CXorf66: variants seen among roughly 807,000 people sequenced by gnomAD.
The protein encoded by CXorf66 is uncharacterized protein CXorf66.
A neutral mutation model predicts 5.0 loss-of-function variants in CXorf66; 6 were observed. The ratio of observed to expected loss-of-function variants is 1.20; its 90% CI spans 0.65 to 2.36. The LOEUF is 2.36. CXorf66 is among the 30% of genes most tolerant of loss of function. CXorf66 has a pLI of 0.00. For synonymous variants in CXorf66, 98 were observed against 102.8 expected (o/e 0.95, Z 0.28); for missense variants, 270 against 254.9 (o/e 1.06, Z -0.40).
At chrX:139,958,336 G>C (rs2085581535) in intron 1 of CXorf66, 119 bp from the exon 2 acceptor site, 1 of 528,807 alleles carries the variant, frequency 1.9e-6, no homozygotes, top group Non-Finnish European at 3.0e-6. Flanking sequence ...TTTTAAACCT[G>C]ATTAATTGTA....
intron 1 of CXorf66, among the ~76,000 whole-genome samples, chrX:139,960,820 A>C (rs1241301317): frequency 8.9e-6 from 1 of 111,774 alleles, no homozygotes; most frequent in African/African-American, 3.3e-5. Flanking sequence ...TTTTATATCC[A>C]GTCAAACTAA....
At chrX:139,961,219 T>C (rs2085592252) in intron 1 of CXorf66, among the ~76,000 whole-genome samples, 1 of 110,799 alleles carries the variant, frequency 9.0e-6, no homozygotes, top group South Asian at 3.8e-4. Flanking sequence ...AGGCTCAAAA[T>C]AAAGGAATGG....
Position 139,956,481 on chromosome X carries a change from T to A in CXorf66, c.501A>T (p.Ser167=), listed in dbSNP as rs774971711. ...RPSYPKRSSK[S]SCSKKLSKSS... is the part of the protein sequence containing the mutation. ...ACTTGCTTAATTTTTTTGAGCATGA[T>A]GACTTGGATGACCTTTTTGGATATG... is the stretch of plus-strand genomic sequence containing the variant. Residue 167 remains serine (S), a synonymous_variant, in exon 3 of 3, where the codon TCA becomes TCT. Coordinates refer to ENST00000370540, the MANE Select transcript of CXorf66 (RefSeq NM_001013403.3). 12 of 1,210,414 alleles carry A rather than the reference T, an allele frequency of 9.9e-6. No homozygotes were observed. In the South Asian group the frequency reaches 2.1e-4, roughly 21 times the overall value.
In CXorf66 at chrX:139,956,250, A is replaced by G; in HGVS notation, c.732T>C (p.Asn244=). ...QELAKPPKHF[N]PKRSVSLGRA... Reference sequence around the variant, plus strand: ...TGCCTAGACTCACTGACCTTTTTGGATTAAAATGTTTGGGAGGCTTAGCCA... The same window carrying G: ...TGCCTAGACTCACTGACCTTTTTGGGTTAAAATGTTTGGGAGGCTTAGCCA... Residue 244 remains asparagine (N), a synonymous_variant, in exon 3 of 3, where the codon AAT becomes AAC. Transcript: ENST00000370540. 1 of 1,211,863 alleles carries G rather than the reference A, an allele frequency of 8.3e-7. No individual in the cohort carries two copies. The highest frequency in any genetic ancestry group is 1.1e-6 in the Non-Finnish European group (1 of 895,555).
chrX:139,957,354 A>AAC (rs772606751), intron 2 of CXorf66, among the ~76,000 whole-genome samples: 3,947 of 108,051 alleles, frequency 0.037, 174 homozygotes, highest in African/African-American at 0.12. Flanking sequence ...AAAAGAGAGA[A>AAC]ACACACACAC....
At chrX:139,958,897 G>A (rs902708797) in intron 1 of CXorf66, among the ~76,000 whole-genome samples, 2 of 112,357 alleles carry the variant, frequency 1.8e-5, no homozygotes, top group African/African-American at 6.5e-5. Context: ...CAGATACTAC[G>A]CTTTTCCCAT....
At position 139,956,452 on chromosome X, in the gene CXorf66, G is replaced by C; in HGVS notation, c.530C>G (p.Ser177Cys). 6.6e-6 allele frequency: 8 copies of C among 1,211,708 alleles called. No homozygotes were observed. Among genetic ancestry groups the C allele is most frequent in the Non-Finnish European group, 8.9e-6 (8 of 895,379 alleles). The change falls in exon 3 of 3, where the codon TCT (serine) becomes TGT (cysteine). Residue 177 changes from serine to cysteine, a missense_variant. Transcript: ENST00000370540. ...TTTCTTATGTGCCTTTTCCAGGTGA[G>C]ATGACTTGCTTAATTTTTTTGAGCA... ...SSCSKKLSKS[S>C]HLEKAHKKGS...
intron 1 of CXorf66, among the ~76,000 whole-genome samples, chrX:139,964,228 C>T (rs1414657974): frequency 8.9e-6 from 1 of 111,770 alleles, no homozygotes; most frequent in Non-Finnish European, 1.9e-5. Context: ...AAAAAACAAA[C>T]ACCCCCATCA....
chrX:139,957,717 T>C (rs772763619), intron 2 of CXorf66, among the ~76,000 whole-genome samples: 77 of 111,650 alleles, frequency 6.9e-4, no homozygotes, highest in African/African-American at 2.4e-3. Context: ...ATCCAAAATG[T>C]TTTATTGTCT....
Position 139,955,767 on chromosome X carries a change from G to A in CXorf66, c.*129C>T, listed in dbSNP as rs764629163. 14 of 478,921 alleles carry A rather than the reference G, an allele frequency of 2.9e-5. No individual in the cohort carries two copies. Among genetic ancestry groups the A allele is most frequent in the Admixed American group, 2.4e-4 (5 of 20,761 alleles). The allele number at this position is 478,921 out of a possible 1,213,427, so 39.5% of individuals were successfully genotyped here. ...TTTATTGATATTTTTAAAATAAATC[G>A]CCTCCAAGACAGATATGGGTGATCT... is the stretch of plus-strand genomic sequence containing the variant. On this transcript the variant is annotated 3_prime_UTR_variant, in exon 3 of 3. Transcript: ENST00000370540.
At position 139,956,232 on chromosome X, in the gene CXorf66, A is replaced by G. The variant is rs1229171839; in HGVS notation, c.750T>C (p.Ser250=). The G allele has an allele frequency of 8.3e-7, 1 of 1,211,594 alleles. No homozygotes were observed. Among genetic ancestry groups the G allele is most frequent in the South Asian group, 1.8e-5 (1 of 57,005 alleles). The change falls in exon 3 of 3, where the codon AGT becomes AGC. Residue 250 remains serine, a synonymous_variant. Transcript: ENST00000370540. The part of the protein sequence containing the change: ...PKHFNPKRSV[S]LGRAALLSNS... ...TGGATAATAAGGCTGCCCTGCCTAG[A>G]CTCACTGACCTTTTTGGATTAAAAT...
rs1298207841 is a variant in CXorf66, at chrX:139,956,829, G to A, written c.243-90C>T. 3.3e-6 allele frequency: 3 copies of A among 897,744 alleles called. No individual in the cohort carries two copies. In the African/African-American group the frequency reaches 6.0e-5, roughly 18 times the overall value. 74.0% of individuals were successfully genotyped at this position (897,744 alleles called of 1,213,427 possible). A position where few individuals can be genotyped will look rare whatever the true frequency, so the allele number is the denominator to read the frequency against. Reference sequence around the variant, plus strand: ...AGAACGTATGGTACTGCTTAGACCTGTGGTCTTTTGGGGCTTTAATATGAA... The same window carrying A: ...AGAACGTATGGTACTGCTTAGACCTATGGTCTTTTGGGGCTTTAATATGAA... On this transcript the variant is annotated intron_variant, in intron 2 of 2. Coordinates refer to ENST00000370540, the MANE Select transcript of CXorf66 (RefSeq NM_001013403.3).
intron 1 of CXorf66, among the ~76,000 whole-genome samples, chrX:139,959,885 C>T (rs1569496337): frequency 9.0e-6 from 1 of 111,719 alleles, no homozygotes; most frequent in Non-Finnish European, 1.9e-5. Context: ...TCAACATCAA[C>T]AAAAAGGACC....
intron 1 of CXorf66, among the ~76,000 whole-genome samples, chrX:139,961,530 A>T: frequency 8.9e-6 from 1 of 111,995 alleles, no homozygotes; most frequent in African/African-American, 3.2e-5. Context: ...AATGAGACAG[A>T]AAATTAACAA....
chrX:139,962,439 C>G (rs189544271), intron 1 of CXorf66, among the ~76,000 whole-genome samples: 5 of 111,195 alleles, frequency 4.5e-5, no homozygotes, highest in African/African-American at 1.6e-4. Context: ...TAATAGCCTA[C>G]CAACCAAAAA....
rs967397817 is a variant in CXorf66 at position 139,958,007 on chromosome X, C to T, written c.242+57G>A. The T allele has an allele frequency of 2.1e-4, 219 of 1,059,062 alleles. 1 individual carries two copies. Among genetic ancestry groups the T allele is most frequent in the Middle Eastern group, 5.2e-4 (2 of 3,859 alleles). 87.3% of individuals were successfully genotyped at this position (1,059,062 alleles called of 1,213,427 possible). On this transcript the variant is annotated intron_variant, in intron 2 of 2. Transcript: ENST00000370540. ...GTAACCTGAACAACAATGAAACCTCCGCTATATGTACACACACACACACCT... is the reference window on the plus strand; with the variant it reads ...GTAACCTGAACAACAATGAAACCTCTGCTATATGTACACACACACACACCT...
intron 2 of CXorf66, among the ~76,000 whole-genome samples, chrX:139,957,115 C>A (rs769685661): frequency 9.0e-6 from 1 of 111,152 alleles, no homozygotes; most frequent in Non-Finnish European, 1.9e-5. Context: ...TGCAGTGAGC[C>A]GAGATCATGC....
chrX:139,965,480 C>A lies in CXorf66; in HGVS notation c.17G>T (p.Cys6Phe), dbSNP rs1254792273. 7 of 1,201,135 alleles carry A rather than the reference C, an allele frequency of 5.8e-6. No individual in the cohort carries two copies. The highest frequency in any genetic ancestry group is 7.9e-6 in the Non-Finnish European group (7 of 889,009). MNLVI[C>F]VLLLSIWKNN... ...TTTCCAAATGGACAAAAGTAGGACA[C>A]AAATAACAAGATTCATGTCCGCAAC... The change falls in exon 1 of 3, where the codon TGT (cysteine) becomes TTT (phenylalanine). Residue 6 changes from cysteine to phenylalanine, a missense_variant. Coordinates refer to ENST00000370540, the MANE Select transcript of CXorf66 (RefSeq NM_001013403.3).
chrX:139,964,565 T>C (rs1186330567), intron 1 of CXorf66, among the ~76,000 whole-genome samples: 1 of 111,630 alleles, frequency 9.0e-6, no homozygotes, highest in African/African-American at 3.3e-5. Flanking sequence ...TTACTGGATA[T>C]ATACCCAAAG....
Sources: gnomAD v4.1 joint callset for allele counts (sites outside exome capture counted in the v4.1 genomes callset) on GRCh38, gnomAD v4.1.1 for gene constraint, MANE v1.5 for transcripts, NCBI Gene and HGNC (gene_info 2026-07-23, HGNC 2026-07-21) for gene names.